CBLC: variants seen among roughly 807,000 people sequenced by gnomAD.
CBLC encodes the protein E3 ubiquitin-protein ligase CBL-C.
In CBLC, 46 loss-of-function variants were observed where a neutral mutation model predicts 58.6. The observed-to-expected ratio is 0.79, with a 90% CI of 0.62 to 1.00. The LOEUF is 1.00. CBLC is among the 50% of genes least tolerant of loss of function. The pLI, the probability that CBLC is intolerant of heterozygous loss-of-function variation, is 0.00. For missense variants in CBLC, 655 were observed against 625.8 expected, an observed-to-expected ratio of 1.05 and a Z score of -0.50; for synonymous variants, 271 against 264.2, an observed-to-expected ratio of 1.03 and a Z score of -0.25.
intron 9 of CBLC, among the ~76,000 whole-genome samples, chr19:44,798,823 C>G (rs1968230576): frequency 6.6e-6 from 1 of 152,180 alleles, no homozygotes; most frequent in Non-Finnish European, 1.5e-5. Flanking sequence ...CGCCCAAAGA[C>G]CTGGGGCTGG....
intron 9 of CBLC, among the ~76,000 whole-genome samples, chr19:44,795,262 T>G (rs1041494721): frequency 7.4e-5 from 11 of 147,978 alleles, no homozygotes; most frequent in Non-Finnish European, 4.5e-5. Context: ...CGGCCTGCAA[T>G]CCCAACACTT....
intron 6 of CBLC, 26 bp downstream of exon 6, chr19:44,790,117 TC>T: frequency 1.3e-6 from 2 of 1,576,268 alleles, no homozygotes; most frequent in Non-Finnish European, 1.7e-6. Context: ...GCACCCGCAG[TC>T]CCAGTTCCCT....
At position 44,784,254 on chromosome 19, in the gene CBLC, C is replaced by G; in HGVS notation, c.780-10C>G. 6.4e-7 allele frequency: 1 copy of G among 1,564,070 alleles called. No homozygotes were observed. The highest frequency in any genetic ancestry group is 1.1e-5 in the South Asian group (1 of 88,030). On this transcript the variant is annotated splice_polypyrimidine_tract_variant and intron_variant, in intron 4 of 10. Coordinates refer to ENST00000647358, the MANE Select transcript of CBLC (RefSeq NM_012116.4). Reference sequence around the variant, plus strand: ...CTCCCTCACCCCATCCTACCTACCTCTCCCTCCAGTTACATCTTCCGGCCC... The same window carrying G: ...CTCCCTCACCCCATCCTACCTACCTGTCCCTCCAGTTACATCTTCCGGCCC...
intron 5 of CBLC, 84 bp from the exon 6 acceptor site, chr19:44,789,920 C>A (rs1329346423): frequency 5.6e-6 from 5 of 891,778 alleles, no homozygotes; most frequent in Non-Finnish European, 9.5e-6. Flanking sequence ...AATATGGGGC[C>A]CTGTAGGGGG....
In CBLC at chr19:44,792,296, G is replaced by T. The variant is rs1968072172; in HGVS notation, c.1006-87G>T. ...GCGTGAGCCACCACAACCAGCCGAG[G>T]TTTGGGATTTTCTTCCTGTGGCCCA... On this transcript the variant is annotated intron_variant, in intron 6 of 10. Coordinates refer to ENST00000647358, the MANE Select transcript of CBLC (RefSeq NM_012116.4). 4.0e-6 allele frequency: 6 copies of T among 1,498,656 alleles called. No homozygotes were observed. The East Asian group carries it at 1.4e-4, about 34-fold the overall frequency. The allele number at this position is 1,498,656 out of a possible 1,614,324, so 92.8% of individuals were successfully genotyped here.
At chr19:44,800,031 G>C (rs1001785356) in intron 9 of CBLC, among the ~76,000 whole-genome samples, 10 of 152,148 alleles carry the variant, frequency 6.6e-5, no homozygotes, top group Non-Finnish European at 1.0e-4. Context: ...AGAGGTGAGA[G>C]GGAAAAGGCA....
intron 6 of CBLC, among the ~76,000 whole-genome samples, chr19:44,791,336 A>G (rs924778248): frequency 1.3e-5 from 2 of 151,878 alleles, no homozygotes; most frequent in Non-Finnish European, 2.9e-5. Flanking sequence ...AGAAAGAAAA[A>G]TAATGAAATT....
intron 5 of CBLC, among the ~76,000 whole-genome samples, chr19:44,788,122 T>G (rs959696304): frequency 1.3e-5 from 2 of 151,438 alleles, no homozygotes; most frequent in East Asian, 3.9e-4. Context: ...TTTTGGTGGT[T>G]CTTTTTTTTT....
rs200824891 is a variant in CBLC at position 44,794,457 on chromosome 19, CTTTTTTTTTTT to C, written c.1362+191_1362+201del. Among the ~76,000 whole-genome samples, 1,152 of 78,360 alleles carry C rather than the reference CTTTTTTTTTTT, an allele frequency of 0.015. 121 individuals are homozygous for C. In the East Asian group the frequency reaches 0.29, roughly 20 times the overall value. The allele number at this position is 78,360 out of a possible 152,430, so 51.4% of individuals were successfully genotyped here. ...GTTTTCATTCCCCCTCTGGGACTTT[CTTTTTTTTTTT>C]TTTTTTTTTTTTTTGAGACGGAATC... On this transcript the variant is annotated intron_variant, in intron 9 of 10. Coordinates refer to ENST00000647358, the MANE Select transcript of CBLC (RefSeq NM_012116.4).
rs1381529020 is a variant in CBLC, at chr19:44,792,485, C to T, written c.1108C>T (p.Leu370Phe). The T allele has an allele frequency of 6.2e-7, 1 of 1,607,970 alleles. No individual in the cohort carries two copies. Among genetic ancestry groups the T allele is most frequent in the East Asian group, 2.2e-5 (1 of 44,474 alleles). Reference sequence around the variant, plus strand: ...GAAGATTGAGCCGTGCGGGCACCTGCTCTGCAGCTGCTGCCTGGCTGCCTG... The same window carrying T: ...GAAGATTGAGCCGTGCGGGCACCTGTTCTGCAGCTGCTGCCTGGCTGCCTG... The part of the protein sequence containing the change: ...DVKIEPCGHL[L>F]CSCCLAAWQH... The change falls in exon 7 of 11, where the codon CTC (leucine) becomes TTC (phenylalanine). Residue 370 changes from leucine to phenylalanine, a missense_variant. By Grantham distance (22) the Leu-to-Phe change is conservative (BLOSUM62 0). Around this residue, in one of 3 missense-constraint regions of CBLC, gnomAD observed 371 missense variants for 370.8 expected, o/e 1.00. Coordinates refer to ENST00000647358, the MANE Select transcript of CBLC (RefSeq NM_012116.4).
chr19:44,788,479 C>CTT (rs1293573931), intron 5 of CBLC, among the ~76,000 whole-genome samples: 26 of 118,574 alleles, frequency 2.2e-4, no homozygotes, highest in Admixed American at 3.5e-4. Context: ...TTTAAAATTT[C>CTT]TTTTTTTTTT....
chr19:44,797,035 A>AG (rs1968193325), intron 9 of CBLC, among the ~76,000 whole-genome samples: 1 of 152,176 alleles, frequency 6.6e-6, no homozygotes, highest in Admixed American at 6.6e-5. Flanking sequence ...TGGGGGACAC[A>AG]GCCAGGACAG....
In CBLC at chr19:44,784,974, T is replaced by G. The variant is rs983917458; in HGVS notation, c.917+573T>G. ...TGTTTTTTTTTTTTTTTTTTTTTTT[T>G]TTTTTTTTTTTTTTTGAGACAGAGT... On this transcript the variant is annotated intron_variant, in intron 5 of 10. Coordinates refer to ENST00000647358, the MANE Select transcript of CBLC (RefSeq NM_012116.4). 2.7e-4 allele frequency among the ~76,000 whole-genome samples: 33 copies of G among 121,292 alleles called. 1 individual carries two copies. Among genetic ancestry groups the G allele is most frequent in the African/African-American group, 5.6e-4 (17 of 30,514 alleles). The allele number at this position is 121,292 out of a possible 152,430, so 79.6% of individuals were successfully genotyped here.
rs369200479 is a variant in CBLC, at chr19:44,792,232, G to A, written c.1006-151G>A. The A allele has an allele frequency of 2.2e-5, 16 of 716,660 alleles. No homozygotes were observed. The East Asian group carries it at 2.6e-4, about 12-fold the overall frequency. 44.4% of individuals were successfully genotyped at this position (716,660 alleles called of 1,614,324 possible). A position where few individuals can be genotyped will look rare whatever the true frequency, so the allele number is the denominator to read the frequency against. ...TGGTCTCGAACTCCTGACCTCAGAT[G>A]ATCCCCCTGCCTCAGCCTCCAAAGT... On this transcript the variant is annotated intron_variant, in intron 6 of 10. Transcript: ENST00000647358.
chr19:44,798,667 T>C (rs2965113), intron 9 of CBLC, among the ~76,000 whole-genome samples: 33,127 of 151,710 alleles, frequency 0.22, 4,877 homozygotes, highest in African/African-American at 0.42. Flanking sequence ...CGCCAGGAGG[T>C]GGAAGTTGCA....
At chr19:44,794,630 A>G (rs1467832023) in intron 9 of CBLC, among the ~76,000 whole-genome samples, 1 of 150,838 alleles carries the variant, frequency 6.6e-6, no homozygotes, top group East Asian at 2.0e-4. Context: ...ATGCCCCGCT[A>G]ATTTTTGTAT....
chr19:44,781,340 G>T lies in CBLC; in HGVS notation c.634G>T (p.Asp212Tyr). The T allele has an allele frequency of 6.2e-7, 1 of 1,610,940 alleles. No homozygotes were observed. The change falls in exon 3 of 11, where the codon GAC (aspartate) becomes TAC (tyrosine). Residue 212 changes from aspartate to tyrosine, a missense_variant. This residue lies in a region of CBLC where 371 missense variants were observed against 370.8 expected (regional missense o/e 1.00). Coordinates refer to ENST00000647358, the MANE Select transcript of CBLC (RefSeq NM_012116.4). ...CSGHVSIFEF[D>Y]VFTRLFQPWP... Reference sequence around the variant, plus strand: ...CGGGCACGTGTCCATCTTCGAGTTCGACGTCTTCACCAGGCTCTTTCAGGT... The same window carrying T: ...CGGGCACGTGTCCATCTTCGAGTTCTACGTCTTCACCAGGCTCTTTCAGGT...
At chr19:44,789,310 C>G (rs1967987352) in intron 5 of CBLC, among the ~76,000 whole-genome samples, 1 of 152,092 alleles carries the variant, frequency 6.6e-6, no homozygotes. Context: ...TTATCAGATT[C>G]TAGGATTTGA....
rs772120427 is a variant in CBLC, at chr19:44,790,064, A to G, written c.978A>G (p.Glu326=). The part of the protein sequence containing the change: ...NPDLTELGQA[E]PQQRIHVSEE... ...ACCTGACTGAGCTCGGCCAGGCAGAACCCCAGCAGCGCATCCACGTGTCAG... is the reference window on the plus strand; with the variant it reads ...ACCTGACTGAGCTCGGCCAGGCAGAGCCCCAGCAGCGCATCCACGTGTCAG... Residue 326 remains glutamate (E), a synonymous_variant, in exon 6 of 11, where the codon GAA becomes GAG. Transcript: ENST00000647358. 6.8e-6 allele frequency: 11 copies of G among 1,613,946 alleles called. No individual in the cohort carries two copies. Among genetic ancestry groups the G allele is most frequent in the Non-Finnish European group, 8.5e-6 (10 of 1,179,966 alleles).
Sources: gnomAD v4.1 joint callset for allele counts (sites outside exome capture counted in the v4.1 genomes callset) on GRCh38, gnomAD v4.1.1 for gene constraint, gnomAD v4.1.1 regional missense constraint, MANE v1.5 for transcripts, NCBI Gene and HGNC (gene_info 2026-07-23, HGNC 2026-07-21) for gene names.